MAP7D3: variants seen among roughly 807,000 people sequenced by gnomAD.
MAP7D3 encodes the protein MAP7 domain containing 3.
In MAP7D3, 45 loss-of-function variants were observed where a neutral mutation model predicts 62.2. The ratio of observed to expected loss-of-function variants is 0.72; its 90% confidence interval spans 0.57 to 0.93. The LOEUF is 0.93. MAP7D3 is among the 40% of genes least tolerant of loss of function. The probability of loss-of-function intolerance (pLI) is 0.00; values close to 1 mark genes in which losing one functional copy is unlikely to be tolerated. For missense variants in MAP7D3, 711 were observed against 683.1 expected (o/e 1.04, Z -0.45); for synonymous variants, 288 against 248.8 (o/e 1.16, Z -1.48).
In MAP7D3 at chrX:136,241,158, A is replaced by T; in HGVS notation, c.535+2T>A. On this transcript the variant is annotated splice_donor_variant, in intron 5 of 18. Coordinates refer to ENST00000316077, the MANE Select transcript of MAP7D3 (RefSeq NM_024597.4). LOFTEE classifies it high-confidence loss of function. ...TTAAAATTTAATGGGTGTATTAATT[A>T]CCAGTTTTGCTCTCAGAATTCGCCA... 1 of 1,064,527 alleles carries T rather than the reference A, an allele frequency of 9.4e-7. No individual in the cohort carries two copies. 87.7% of individuals were successfully genotyped at this position (1,064,527 alleles called of 1,213,427 possible). A position where few individuals can be genotyped will look rare whatever the true frequency, so the allele number is the denominator to read the frequency against.
At chrX:136,231,083 T>A in intron 8 of MAP7D3, 117 bp from the exon 9 acceptor site, 1 of 504,769 alleles carries the variant, frequency 2.0e-6, no homozygotes, top group Non-Finnish European at 3.0e-6. Flanking sequence ...TAGAATTCTT[T>A]AAACTGCAAT....
downstream of MAP7D3, chrX:136,215,053 G>A (rs957147925): frequency 8.9e-6 from 1 of 111,985 alleles, no homozygotes; most frequent in African/African-American, 3.3e-5. Flanking sequence ...AGTTCGTGCT[G>A]ATTTAAAAGT....
At chrX:136,224,482 A>G (rs1355110155) in intron 14 of MAP7D3, among the ~76,000 whole-genome samples, 1 of 101,825 alleles carries the variant, frequency 9.8e-6, no homozygotes, top group East Asian at 3.0e-4. Context: ...CATTGTATAC[A>G]AAAAAAAAAA....
At chrX:136,244,097 G>C (rs2148420084) in intron 4 of MAP7D3, among the ~76,000 whole-genome samples, 1 of 111,626 alleles carries the variant, frequency 9.0e-6, no homozygotes, top group African/African-American at 3.3e-5. Flanking sequence ...GGGAATGTGA[G>C]GAACACGGAG....
downstream of MAP7D3, among the ~76,000 whole-genome samples, chrX:136,216,381 A>AG (rs1491150443): frequency 9.7e-6 from 1 of 102,665 alleles, no homozygotes; most frequent in African/African-American, 3.5e-5. Context: ...AAAAAAAAAA[A>AG]GAAAAAAAGA....
At chrX:136,229,945 A>ATT (rs1171133598) in intron 10 of MAP7D3, among the ~76,000 whole-genome samples, 15 of 68,235 alleles carry the variant, frequency 2.2e-4, no homozygotes, top group African/African-American at 8.4e-4. Context: ...CATCGGGCTA[A>ATT]TTTTTTTTTT....
Position 136,231,742 on chromosome X carries a change from G to A in MAP7D3, c.1215C>T (p.Ser405=), listed in dbSNP as rs368788762. 37 of 1,208,418 alleles carry A rather than the reference G, an allele frequency of 3.1e-5. No individual in the cohort carries two copies. In the African/African-American group the frequency reaches 4.8e-4, roughly 16 times the overall value. ...EVSLEALPEV[S]VEAAPEGSLE... The stretch of plus-strand genomic sequence containing the variant: ...GGCTCCCCTCTGGGGCTGCTTCCAC[G>A]CTCACCTCTGGCAGTGCTTCCAGAC... The change falls in exon 8 of 19, where the codon AGC becomes AGT. Residue 405 remains serine (S), a synonymous_variant. Transcript: ENST00000316077.
chrX:136,218,786 G>A (rs1223716910), intron 18 of MAP7D3, among the ~76,000 whole-genome samples: 2 of 111,918 alleles, frequency 1.8e-5, no homozygotes, highest in Non-Finnish European at 3.8e-5. Context: ...CTAAGCAACT[G>A]TCTGTGTGCT....
intron 1 of MAP7D3, among the ~76,000 whole-genome samples, chrX:136,250,886 G>C (rs972776683): frequency 2.7e-5 from 3 of 111,649 alleles, no homozygotes; most frequent in Admixed American, 9.3e-5. Flanking sequence ...TGCGTTCGTT[G>C]GGGCGGTTGC....
At chrX:136,238,550 C>T (rs1013752937) in intron 6 of MAP7D3, among the ~76,000 whole-genome samples, 7 of 111,354 alleles carry the variant, frequency 6.3e-5, no homozygotes, top group Non-Finnish European at 1.1e-4. Flanking sequence ...AAGCAAGGTG[C>T]CAGAGAAAAT....
chrX:136,219,488 G>C lies in MAP7D3; in HGVS notation c.2573C>G (p.Thr858Arg), dbSNP rs779609792. Residue 858 changes from threonine (T) to arginine (R), a missense_variant, in exon 18 of 19, where the codon ACA becomes AGA. Physicochemically the swap from Thr to Arg is moderately conservative, Grantham distance 71. Coordinates refer to ENST00000316077, the MANE Select transcript of MAP7D3 (RefSeq NM_024597.4). ...GATGTCATGGAATCCTTCAGATTTTGTTTGTGCCTGTCAGGAGAAAAATGT... is the reference window on the plus strand; with the variant it reads ...GATGTCATGGAATCCTTCAGATTTTCTTTGTGCCTGTCAGGAGAAAAATGT... ...TNTTSRSSAQ[T>R]KSEGFHDILP... is the part of the protein sequence containing the mutation. 1 of 1,204,102 alleles carries C rather than the reference G, an allele frequency of 8.3e-7. No individual in the cohort carries two copies. Among genetic ancestry groups the C allele is most frequent in the South Asian group, 1.8e-5 (1 of 56,694 alleles).
At chrX:136,240,208 C>CAA (rs34003803) in intron 6 of MAP7D3, among the ~76,000 whole-genome samples, 174 bp downstream of exon 6, 5 of 67,399 alleles carry the variant, frequency 7.4e-5, no homozygotes, top group South Asian at 8.1e-4. Flanking sequence ...GACTCTGTCT[C>CAA]AAAAAAAAAA....
At chrX:136,225,248 G>A (rs747107771) in intron 13 of MAP7D3, among the ~76,000 whole-genome samples, 50 of 112,608 alleles carry the variant, frequency 4.4e-4, no homozygotes, top group Middle Eastern at 9.2e-3. Context: ...TGAAGCCAAT[G>A]TTAATGAAAA....
intron 10 of MAP7D3, among the ~76,000 whole-genome samples, chrX:136,229,452 C>T (rs1460830269): frequency 9.0e-6 from 1 of 111,536 alleles, no homozygotes; most frequent in African/African-American, 3.3e-5. Flanking sequence ...GAGCAAAATT[C>T]CCCAGTGTGT....
In MAP7D3 at chrX:136,218,032, G is replaced by A. The variant is rs2148394659; in HGVS notation, c.*494C>T. The A allele has an allele frequency of 9.4e-6, 1 of 106,430 alleles. No individual in the cohort carries two copies. Among genetic ancestry groups the A allele is most frequent in the Admixed American group, 1.0e-4 (1 of 9,955 alleles). 8.8% of individuals were successfully genotyped at this position (106,430 alleles called of 1,213,427 possible). On this transcript the variant is annotated 3_prime_UTR_variant, in exon 19 of 19. Coordinates refer to ENST00000316077, the MANE Select transcript of MAP7D3 (RefSeq NM_024597.4). Reference sequence around the variant, plus strand: ...ATTGTGCCACTGCACTGCAGCCTGGGCGACAGGGCAAGACTCCGTCTCAAA... The same window carrying A: ...ATTGTGCCACTGCACTGCAGCCTGGACGACAGGGCAAGACTCCGTCTCAAA...
Position 136,240,400 on chromosome X carries a change from G to C in MAP7D3, c.622C>G (p.Gln208Glu). ...RQMPLSSAGL[Q>E]NSVAKRKTDK... ...TACTTACTTTTGGCAACGGAATTTT[G>C]AAGGCCTGCAGATGACAAAGGCATT... Residue 208 changes from glutamine to glutamate, a missense_variant, in exon 6 of 19, where the codon CAA (glutamine) becomes GAA (glutamate). Transcript: ENST00000316077. The C allele has an allele frequency of 8.4e-7, 1 of 1,197,174 alleles. No individual in the cohort carries two copies. The highest frequency in any genetic ancestry group is 1.8e-5 in the South Asian group (1 of 56,376).
At chrX:136,221,018 A>G in intron 15 of MAP7D3, 55 bp from the exon 16 acceptor site, 2 of 926,559 alleles carry the variant, frequency 2.2e-6, no homozygotes, top group Non-Finnish European at 3.1e-6. Flanking sequence ...AATTCAAGAA[A>G]AAGTGAAGGC....
intron 6 of MAP7D3, among the ~76,000 whole-genome samples, chrX:136,237,379 G>T (rs1394150739): frequency 1.8e-5 from 2 of 112,026 alleles, no homozygotes; most frequent in Non-Finnish European, 3.8e-5. Flanking sequence ...TAGACTACTT[G>T]AATCAACCCA....
chrX:136,214,426 G>C (rs1162530857), downstream of MAP7D3: 2 of 111,980 alleles, frequency 1.8e-5, no homozygotes, highest in African/African-American at 3.3e-5. Flanking sequence ...CCACGCTCTG[G>C]CTCCTTGGCC....
Sources: allele counts gnomAD v4.1 joint callset (sites outside exome capture counted in the v4.1 genomes callset), GRCh38; gene constraint gnomAD v4.1.1; transcripts MANE v1.5; gene names NCBI Gene and HGNC (gene_info 2026-07-23, HGNC 2026-07-21).